PTPN18: variants seen among roughly 807,000 people sequenced by gnomAD.
PTPN18 encodes the protein protein tyrosine phosphatase non-receptor type 18, also known as tyrosine-protein phosphatase non-receptor type 18.
In PTPN18, 65 loss-of-function variants were observed where a neutral mutation model predicts 65.4. The observed-to-expected ratio is 0.99, with a 90% CI of 0.81 to 1.22. PTPN18 has a LOEUF of 1.22. Ranked by LOEUF, PTPN18 falls within the 50% of genes most tolerant of loss-of-function variation. The pLI is 0.00. For missense variants in PTPN18, 616 were observed against 646.5 expected, an observed-to-expected ratio of 0.95 and a Z score of 0.51; for synonymous variants, 255 against 267.8, an observed-to-expected ratio of 0.95 and a Z score of 0.47.
intron 12 of PTPN18, 85 bp downstream of exon 12, chr2:130,371,372 T>C (rs1288047850): frequency 1.2e-5 from 15 of 1,209,060 alleles, no homozygotes; most frequent in Non-Finnish European, 1.7e-5. Context: ...GTCCGTTCCT[T>C]GTTCACTTCG....
At position 130,369,768 on chromosome 2, in the gene PTPN18, AAGG is replaced by A. The variant is rs539550079; in HGVS notation, c.490_492del (p.Glu164del). 2.2e-4 allele frequency: 354 copies of A among 1,594,370 alleles called. 3 individuals are homozygous for A. In the East Asian group the frequency reaches 6.1e-3, roughly 27 times the overall value. On this transcript the variant is annotated inframe_deletion, in exon 7 of 15. Coordinates refer to ENST00000175756, the MANE Select transcript of PTPN18 (RefSeq NM_014369.4). ...TTGCCCCACCCCCCTTACTCAGATA[AAGG>A]AGAAGTGGCTGAATGAGGACATCAT...
chr2:130,357,884 A>AATT (rs1680044234), intron 1 of PTPN18, among the ~76,000 whole-genome samples: 1 of 151,946 alleles, frequency 6.6e-6, no homozygotes, highest in Non-Finnish European at 1.5e-5. Context: ...AGTAACAGAT[A>AATT]ATTATAAACC....
chr2:130,365,419 A>G (rs1680349632), intron 5 of PTPN18, among the ~76,000 whole-genome samples: 1 of 152,156 alleles, frequency 6.6e-6, no homozygotes, highest in African/African-American at 2.4e-5. Flanking sequence ...TCATTTATTC[A>G]TTTTAAAATT....
chr2:130,361,719 C>T (rs897386667), intron 5 of PTPN18, among the ~76,000 whole-genome samples: 31 of 151,978 alleles, frequency 2.0e-4, no homozygotes, highest in African/African-American at 7.0e-4. Flanking sequence ...TCTCGAGTAG[C>T]TGGGATTGCA....
intron 5 of PTPN18, among the ~76,000 whole-genome samples, chr2:130,366,906 C>G (rs974484235): frequency 2.0e-4 from 31 of 152,016 alleles, no homozygotes; most frequent in African/African-American, 6.3e-4. Context: ...TCACTGCAGC[C>G]TCAAACTCCT....
At chr2:130,356,970 C>T (rs535136174) in intron 1 of PTPN18, among the ~76,000 whole-genome samples, 2 of 152,142 alleles carry the variant, frequency 1.3e-5, no homozygotes, top group African/African-American at 4.8e-5. Context: ...GTGGGAGGAT[C>T]GCTTGAGCTC....
In PTPN18 at chr2:130,369,219, T is replaced by C. The variant is rs74348246; in HGVS notation, c.483+18T>C. On this transcript the variant is annotated intron_variant, in intron 6 of 14. Transcript: ENST00000175756. ...TCACTCTGGTGAGCTGTGGGAGTTT[T>C]CAAGGAAGATTCCCAGGGTGGAAAG... 6.2e-7 allele frequency: 1 copy of C among 1,604,860 alleles called. No individual in the cohort carries two copies.
chr2:130,372,652 C>T, intron 13 of PTPN18, 169 bp downstream of exon 13: 2 of 1,047,034 alleles, frequency 1.9e-6, no homozygotes, highest in Non-Finnish European at 2.7e-6. Flanking sequence ...CCGGAAGCGC[C>T]CCCTGGCGGT....
chr2:130,358,132 T>A (rs1335428887), intron 1 of PTPN18, among the ~76,000 whole-genome samples: 1 of 152,170 alleles, frequency 6.6e-6, no homozygotes, highest in East Asian at 1.9e-4. Flanking sequence ...GCCTCCCGCA[T>A]GTGCAGGAAT....
intron 5 of PTPN18, among the ~76,000 whole-genome samples, chr2:130,365,470 G>A (rs908905081): frequency 3.9e-5 from 6 of 152,116 alleles, no homozygotes; most frequent in East Asian, 1.9e-4. Flanking sequence ...AGTTGTAAGC[G>A]TTATTCTGTA....
chr2:130,359,110 G>A, intron 2 of PTPN18, 123 bp from the exon 3 acceptor site: 1 of 1,464,832 alleles, frequency 6.8e-7, no homozygotes, highest in Non-Finnish European at 9.5e-7. Flanking sequence ...CAGCCCACAA[G>A]GGCACCTTGG....
chr2:130,370,895 C>A lies in PTPN18; in HGVS notation c.855C>A (p.Tyr285Ter). 6.2e-7 allele frequency: 1 copy of A among 1,614,154 alleles called. No individual in the cohort carries two copies. Among genetic ancestry groups the A allele is most frequent in the Non-Finnish European group, 8.5e-7 (1 of 1,180,022 alleles). ...VQTEEQYRFL[Y>*]HTVAQMFCST... The stretch of plus-strand genomic sequence containing the variant: ...AACAGGAGCAGTACAGGTTCCTGTA[C>A]CACACGGTGGCTCAGATGTTCTGCT... The change falls in exon 11 of 15, where the codon TAC becomes TAA. Residue 285 changes from tyrosine (Y) to a stop codon, truncating the protein, a stop_gained. Coordinates refer to ENST00000175756, the MANE Select transcript of PTPN18 (RefSeq NM_014369.4). LOFTEE classifies it high-confidence loss of function.
intron 5 of PTPN18, chr2:130,362,020 T>A (rs1278928613): frequency 2.5e-6 from 1 of 394,492 alleles, no homozygotes; most frequent in East Asian, 8.8e-5. Flanking sequence ...CAGAGGGGAA[T>A]GGAGTGGTGC....
Position 130,359,661 on chromosome 2 carries a change from C to G in PTPN18, c.414+15C>G, listed in dbSNP as rs747115907. Reference sequence around the variant, plus strand: ...AGAATGGGCGGGTAGGTGCCCTCTGCCCCCAGGTTTCATGTCCTTGTGGGA... The same window carrying G: ...AGAATGGGCGGGTAGGTGCCCTCTGGCCCCAGGTTTCATGTCCTTGTGGGA... On this transcript the variant is annotated intron_variant, in intron 5 of 14. Coordinates refer to ENST00000175756, the MANE Select transcript of PTPN18 (RefSeq NM_014369.4). The G allele has an allele frequency of 6.2e-7, 1 of 1,612,770 alleles. No homozygotes were observed. The highest frequency in any genetic ancestry group is 8.5e-7 in the Non-Finnish European group (1 of 1,178,902).
Position 130,373,369 on chromosome 2 carries a change from C to CCCA in PTPN18, c.*146_*147insCAC. On this transcript the variant is annotated 3_prime_UTR_variant, in exon 15 of 15. Transcript: ENST00000175756. The surrounding 1 kb of genome is among the most constrained non-coding windows in gnomAD (Gnocchi z 4.1). ...GGGTGGGAAATGTGGGGGCTTTGCC[C>CCCA]CAATGACTGTAGCATTCAAGGCTTG... The CCCA allele has an allele frequency of 1.2e-6, 1 of 852,094 alleles. No individual in the cohort carries two copies. The highest frequency in any genetic ancestry group is 1.7e-6 in the Non-Finnish European group (1 of 574,180). 52.8% of individuals were successfully genotyped at this position (852,094 alleles called of 1,614,324 possible). A position where few individuals can be genotyped will look rare whatever the true frequency, so the allele number is the denominator to read the frequency against.
In PTPN18 at chr2:130,370,732, G is replaced by T; in HGVS notation, c.784G>T (p.Asp262Tyr). ...QMIPPDFSLF[D>Y]VVLKMRKQRP... ...GATCCCACCTGACTTCAGTCTCTTT[G>T]ATGTGGTCCTTAAGATGAGGAAGCA... The change falls in exon 10 of 15, where the codon GAT (aspartate) becomes TAT (tyrosine). Residue 262 changes from aspartate (D) to tyrosine (Y), a missense_variant. This residue lies in a region of PTPN18 where 368 missense variants were observed against 386.7 expected (regional missense o/e 0.95). Coordinates refer to ENST00000175756, the MANE Select transcript of PTPN18 (RefSeq NM_014369.4). 1 of 1,614,240 alleles carries T rather than the reference G, an allele frequency of 6.2e-7. No homozygotes were observed. The highest frequency in any genetic ancestry group is 8.5e-7 in the Non-Finnish European group (1 of 1,180,028).
intron 5 of PTPN18, among the ~76,000 whole-genome samples, chr2:130,361,947 C>G (rs1163085470): frequency 3.3e-5 from 5 of 151,314 alleles, no homozygotes; most frequent in African/African-American, 9.7e-5. Context: ...TATCTATGTT[C>G]ATCTTTATTT....
At position 130,375,319 on chromosome 2, in the gene PTPN18, C is replaced by T. The variant is rs1354181122; in HGVS notation, c.*2095C>T. 3 of 152,910 alleles carry T rather than the reference C, an allele frequency of 2.0e-5. No homozygotes were observed. The highest frequency in any genetic ancestry group is 4.4e-5 in the Non-Finnish European group (3 of 68,540). The allele number at this position is 152,910 out of a possible 1,614,324, so 9.5% of individuals were successfully genotyped here. On this transcript the variant is annotated 3_prime_UTR_variant, in exon 15 of 15. Transcript: ENST00000175756. The stretch of plus-strand genomic sequence containing the variant: ...GCTGGTACGATCCACATGCCCTCTT[C>T]TTGGGAATAGGGGCATGGGAAAGTG...
In PTPN18 at chr2:130,371,000, T is replaced by G. The variant is rs376870348; in HGVS notation, c.924+36T>G. 6 of 1,594,398 alleles carry G rather than the reference T, an allele frequency of 3.8e-6. No homozygotes were observed. In the African/African-American group the frequency reaches 8.1e-5, roughly 22 times the overall value. On this transcript the variant is annotated intron_variant, in intron 11 of 14. Transcript: ENST00000175756. ...TCCTTTCCCACTCTCCTGTCCACCA[T>G]CAGCACCCTCAGAGACCAGGACCCC...
Sources: allele counts gnomAD v4.1 joint callset (sites outside exome capture counted in the v4.1 genomes callset), GRCh38; gene constraint gnomAD v4.1.1; regional missense constraint gnomAD v4.1.1; non-coding constraint Gnocchi (gnomAD v3.1); transcripts MANE v1.5; gene names NCBI Gene and HGNC (gene_info 2026-07-23, HGNC 2026-07-21).